PRR5L: variants seen among roughly 807,000 people sequenced by gnomAD.
PRR5L encodes proline rich 5 like, also known as proline-rich protein 5-like.
A neutral mutation model predicts 36.4 loss-of-function variants in PRR5L; 21 were observed. That is an observed-to-expected ratio of 0.58 (90% confidence interval 0.41 to 0.83). The LOEUF (loss-of-function observed/expected upper bound fraction) is 0.83, where lower values mean the gene tolerates loss of function less well. Ranked by LOEUF, PRR5L falls within the 40% of genes least tolerant of loss-of-function variation. The probability of loss-of-function intolerance (pLI) is 0.00; values close to 1 mark genes in which losing one functional copy is unlikely to be tolerated. For missense variants in PRR5L, 381 were observed against 473.3 expected (o/e 0.80, Z 1.81); for synonymous variants, 188 against 197.0 (o/e 0.95, Z 0.38).
intron 3 of PRR5L, among the ~76,000 whole-genome samples, chr11:36,407,198 A>G (rs1012263042): frequency 7.9e-5 from 12 of 152,178 alleles, no homozygotes; most frequent in African/African-American, 2.9e-4. Context: ...TGCTGTGTAT[A>G]ACCCTCTCCA....
At chr11:36,431,290 A>T (rs911176667) in intron 4 of PRR5L, among the ~76,000 whole-genome samples, 2 of 152,188 alleles carry the variant, frequency 1.3e-5, no homozygotes, top group African/African-American at 4.8e-5. Context: ...AAATCTTATG[A>T]TGTAGACAGG....
At chr11:36,334,319 G>A (rs1856748439) in intron 1 of PRR5L, among the ~76,000 whole-genome samples, 1 of 152,200 alleles carries the variant, frequency 6.6e-6, no homozygotes, top group Non-Finnish European at 1.5e-5. Context: ...TTTTCAAAAT[G>A]TACATCTGAT....
chr11:36,388,694 C>CTTTTTTTTTTTTT (rs1252535250), intron 1 of PRR5L, among the ~76,000 whole-genome samples: 4 of 112,822 alleles, frequency 3.5e-5, no homozygotes, highest in African/African-American at 6.8e-5. Context: ...TCGGCTCTTT[C>CTTTTTTTTTTTTT]TTTCTTTTTT....
intron 1 of PRR5L, among the ~76,000 whole-genome samples, chr11:36,399,892 G>A (rs1159206667): frequency 6.6e-6 from 1 of 152,256 alleles, no homozygotes; most frequent in African/African-American, 2.4e-5. Flanking sequence ...CCGCCATTCT[G>A]CCAGCCATGT....
chr11:36,427,705 C>G (rs1261491097), intron 4 of PRR5L, among the ~76,000 whole-genome samples: 2 of 152,178 alleles, frequency 1.3e-5, no homozygotes, highest in Non-Finnish European at 2.9e-5. Flanking sequence ...GGTGAAGTGA[C>G]AGGGTGAGCT....
chr11:36,402,072 G>A (rs1857809539), intron 2 of PRR5L, among the ~76,000 whole-genome samples: 7 of 152,216 alleles, frequency 4.6e-5, no homozygotes, highest in Admixed American at 4.6e-4. Flanking sequence ...TTTGTTAGGT[G>A]TCTAGCCAAC....
At chr11:36,372,109 G>A (rs746080112) in intron 1 of PRR5L, among the ~76,000 whole-genome samples, 3 of 152,084 alleles carry the variant, frequency 2.0e-5, no homozygotes, top group Non-Finnish European at 2.9e-5. Context: ...GCGATAATGC[G>A]TAAATTGAGT....
chr11:36,354,478 A>G (rs72950059), intron 1 of PRR5L, among the ~76,000 whole-genome samples: 3,214 of 152,338 alleles, frequency 0.021, 66 homozygotes, highest in East Asian at 0.083. Flanking sequence ...GAGGTATCAT[A>G]AAGTTTACTA....
chr11:36,361,255 C>T (rs77468459), intron 1 of PRR5L, among the ~76,000 whole-genome samples: 12,296 of 152,056 alleles, frequency 0.081, 589 homozygotes, highest in African/African-American at 0.13. Flanking sequence ...ACAGCAGATA[C>T]GAGAATCCAG....
At position 36,377,177 on chromosome 11, in the gene PRR5L, CT is replaced by C. The variant is rs940518231; in HGVS notation, c.-125-23815del. On this transcript the variant is annotated intron_variant, in intron 1 of 8. Transcript: ENST00000530639. This position sits in a 1 kb window ranked among gnomAD's most constrained non-coding sequence, Gnocchi z 5.1. ...CAGCAGCCTTTTCCCGGCGGTCCCC[CT>C]TTTTCTGGAGGGAGGCGTGGGAGAG... 2.6e-5 allele frequency among the ~76,000 whole-genome samples: 4 copies of C among 152,198 alleles called. No individual in the cohort carries two copies. The highest frequency in any genetic ancestry group is 9.6e-5 in the African/African-American group (4 of 41,468).
chr11:36,328,197 A>G (rs80166583), intron 1 of PRR5L, among the ~76,000 whole-genome samples: 14,640 of 152,226 alleles, frequency 0.096, 1,291 homozygotes, highest in African/African-American at 0.24. Flanking sequence ...GGGAGAGAAG[A>G]ACACTTATGG....
chr11:36,312,232 G>A (rs1447232405), intron 1 of PRR5L, among the ~76,000 whole-genome samples: 1 of 152,102 alleles, frequency 6.6e-6, no homozygotes. Flanking sequence ...GAAGACATAG[G>A]GGCAACTGAT....
At chr11:36,401,318 C>G in intron 2 of PRR5L, 33 bp downstream of exon 2, 3 of 1,599,236 alleles carry the variant, frequency 1.9e-6, no homozygotes, top group Non-Finnish European at 2.6e-6. Flanking sequence ...GGGTGGAGGG[C>G]TGCCAAGGGC....
chr11:36,441,867 T>A (rs1436115569), intron 6 of PRR5L, among the ~76,000 whole-genome samples: 1 of 152,138 alleles, frequency 6.6e-6, no homozygotes, highest in Non-Finnish European at 1.5e-5. Flanking sequence ...TATAGCTTGC[T>A]CCCTCCAGAG....
intron 1 of PRR5L, among the ~76,000 whole-genome samples, chr11:36,319,588 A>C (rs1856592647): frequency 6.6e-6 from 1 of 152,174 alleles, no homozygotes; most frequent in Admixed American, 6.5e-5. Flanking sequence ...GCTGTGTTCC[A>C]GTAAAACTAC....
intron 1 of PRR5L, among the ~76,000 whole-genome samples, chr11:36,308,976 C>T (rs2133453345): frequency 6.6e-6 from 1 of 152,332 alleles, no homozygotes; most frequent in South Asian, 2.1e-4. Flanking sequence ...AAAAGAAAGG[C>T]TTATTTTCCT....
At chr11:36,315,187 G>A (rs1344886432) in intron 1 of PRR5L, among the ~76,000 whole-genome samples, 1 of 152,172 alleles carries the variant, frequency 6.6e-6, no homozygotes, top group Non-Finnish European at 1.5e-5. Flanking sequence ...ATTGTAAAAT[G>A]GGGATAGTAA....
At position 36,403,252 on chromosome 11, in the gene PRR5L, C is replaced by T. The variant is rs370149156; in HGVS notation, c.165-46C>T. The T allele has an allele frequency of 3.1e-5, 49 of 1,563,848 alleles. No homozygotes were observed. In the African/African-American group the frequency reaches 6.0e-4, roughly 19 times the overall value. On this transcript the variant is annotated intron_variant, in intron 2 of 8. Transcript: ENST00000530639. ...GCCCTGAGCTGCTATTGAAATGGCC[C>T]AAGAAGGGAGATTCTCTAACCAGGG...
chr11:36,376,472 G>A (rs1857263704), intron 1 of PRR5L: 1 of 1,112,990 alleles, frequency 9.0e-7, no homozygotes, highest in Non-Finnish European at 1.1e-6. Context: ...GAGAGGAACC[G>A]AGGCTGGACG....
Sources: allele counts gnomAD v4.1 joint callset (sites outside exome capture counted in the v4.1 genomes callset), GRCh38; gene constraint gnomAD v4.1.1; non-coding constraint Gnocchi (gnomAD v3.1); transcripts MANE v1.5; gene names NCBI Gene and HGNC (gene_info 2026-07-23, HGNC 2026-07-21).